Variants in ZNF710 observed in about 807,000 individuals in gnomAD.
ZNF710 encodes zinc finger protein 710.
Under a neutral mutation model 50.6 loss-of-function variants are expected in ZNF710, and 13 were observed. That is an observed-to-expected ratio of 0.26 (90% CI 0.17 to 0.41). ZNF710 has a LOEUF of 0.41. Among genes scored for constraint, ZNF710 ranks in the 10% least tolerant of loss-of-function variants. The pLI is 1.00. For missense variants in ZNF710, 721 were observed against 936.6 expected (o/e 0.77, Z 3.01); for synonymous variants, 383 against 397.0 (o/e 0.96, Z 0.42).
In ZNF710 at chr15:90,071,765, G is replaced by A. The variant is rs138250609; in HGVS notation, c.1459-1306G>A. Among the ~76,000 whole-genome samples, 576 of 146,116 alleles carry A rather than the reference G, an allele frequency of 3.9e-3. 4 individuals carry two copies. Among genetic ancestry groups the A allele is most frequent in the African/African-American group, 0.014 (537 of 38,950 alleles). ...GTGATCTCAGCTCACTGCAACCTCC[G>A]CCTCCTGGGTTTAAGCAATTCTACT... is the stretch of plus-strand genomic sequence containing the variant. On this transcript the variant is annotated intron_variant, in intron 2 of 4. Transcript: ENST00000268154.
chr15:90,000,674 C>T (rs114741450), upstream of ZNF710, among the ~76,000 whole-genome samples: 885 of 152,330 alleles, frequency 5.8e-3, 15 homozygotes, highest in African/African-American at 0.02. Context: ...TTGTTCCAGG[C>T]CCATCTGCCT....
At chr15:90,053,975 G>T (rs2151510670) in intron 1 of ZNF710, among the ~76,000 whole-genome samples, 1 of 152,224 alleles carries the variant, frequency 6.6e-6, no homozygotes, top group African/African-American at 2.4e-5. Context: ...GAGAAGGCCG[G>T]GACTGATCTG....
At chr15:90,013,084 T>G (rs549709796) in intron 1 of ZNF710, among the ~76,000 whole-genome samples, 12 of 152,124 alleles carry the variant, frequency 7.9e-5, no homozygotes, top group Non-Finnish European at 1.6e-4. Context: ...GATTTTTGCT[T>G]TTTGTTTGTT....
intron 1 of ZNF710, among the ~76,000 whole-genome samples, chr15:90,021,040 C>G (rs1898606076): frequency 6.6e-6 from 1 of 150,478 alleles, no homozygotes; most frequent in African/African-American, 2.5e-5. Context: ...TGGGGGACGT[C>G]AGCTCCAAGG....
intron 1 of ZNF710, among the ~76,000 whole-genome samples, chr15:90,052,843 G>A (rs1260824655): frequency 3.3e-5 from 5 of 152,214 alleles, no homozygotes; most frequent in African/African-American, 1.2e-4. Context: ...TGAGGCAGGG[G>A]AATCGCTTGA....
At chr15:90,014,196 G>T (rs1898388934) in intron 1 of ZNF710, among the ~76,000 whole-genome samples, 1 of 151,954 alleles carries the variant, frequency 6.6e-6, no homozygotes, top group Non-Finnish European at 1.5e-5. Flanking sequence ...GTCTCTACTT[G>T]TTCTAAGACA....
intron 1 of ZNF710, among the ~76,000 whole-genome samples, chr15:90,053,891 G>T (rs1272622005): frequency 1.3e-5 from 2 of 152,068 alleles, no homozygotes; most frequent in African/African-American, 4.8e-5. Flanking sequence ...TGGCAGGCAG[G>T]GGTCCGTTCT....
chr15:90,021,600 G>A (rs753610713), intron 1 of ZNF710, among the ~76,000 whole-genome samples: 2 of 152,172 alleles, frequency 1.3e-5, no homozygotes, highest in Non-Finnish European at 2.9e-5. Flanking sequence ...CCTACCATGT[G>A]TTAAACTCTG....
intron 4 of ZNF710, chr15:90,075,045 C>A (rs922051254): frequency 1.2e-5 from 2 of 162,794 alleles, no homozygotes; most frequent in African/African-American, 4.8e-5. Context: ...CAGAAAACAT[C>A]CCAAGTGTTA....
At chr15:90,057,576 A>C (rs1899860606) in intron 1 of ZNF710, among the ~76,000 whole-genome samples, 1 of 151,992 alleles carries the variant, frequency 6.6e-6, no homozygotes, top group Admixed American at 6.6e-5. Context: ...GCGCTCCTGT[A>C]GTCCCAGCTA....
rs146705950 is a variant in ZNF710 at position 90,030,740 on chromosome 15, G to T, written c.-29+29126G>T. On this transcript the variant is annotated intron_variant, in intron 1 of 4. Coordinates refer to ENST00000268154, the MANE Select transcript of ZNF710 (RefSeq NM_198526.4). Reference sequence around the variant, plus strand: ...AAATTAAAAAAAAAAAAATTGGCTGGGCGCGGTGGCTCACGCCTGTAATCC... The same window carrying T: ...AAATTAAAAAAAAAAAAATTGGCTGTGCGCGGTGGCTCACGCCTGTAATCC... Among the ~76,000 whole-genome samples, 127 of 152,128 alleles carry T rather than the reference G, an allele frequency of 8.3e-4. 2 individuals are homozygous for T. The East Asian group carries it at 0.023, about 28-fold the overall frequency.
intron 4 of ZNF710, chr15:90,075,517 A>G (rs1320816255): frequency 1.3e-5 from 2 of 152,160 alleles, no homozygotes; most frequent in South Asian, 2.1e-4. Flanking sequence ...GCAAGACCCT[A>G]TCGCCAAATT....
At position 90,001,331 on chromosome 15, in the gene ZNF710, G is replaced by T. The variant is rs1596257334; in HGVS notation, c.-312G>T. The T allele has an allele frequency of 6.6e-6, 1 of 152,224 alleles. No homozygotes were observed. Among genetic ancestry groups the T allele is most frequent in the East Asian group, 1.9e-4 (1 of 5,192 alleles). 9.4% of individuals were successfully genotyped at this position (152,224 alleles called of 1,614,324 possible). On this transcript the variant is annotated 5_prime_UTR_variant, in exon 1 of 5. Transcript: ENST00000268154. ...CTTTTCTGTCTCTCTCTTCCTCTGC[G>T]AGCTGGCTTAGGAGGAGCTGTTTTG...
chr15:90,006,700 TTA>T (rs1342883259), intron 1 of ZNF710: 1 of 154,252 alleles, frequency 6.5e-6, no homozygotes, highest in Non-Finnish European at 1.5e-5. Flanking sequence ...GTACAGTTCA[TTA>T]ACCTTGATGT....
chr15:90,052,801 C>T (rs1037792150), intron 1 of ZNF710, among the ~76,000 whole-genome samples: 8 of 152,156 alleles, frequency 5.3e-5, no homozygotes, highest in Admixed American at 1.3e-4. Context: ...GGCGTGTTGG[C>T]GCATGCCTGT....
At chr15:90,017,779 C>T (rs1898495250) in intron 1 of ZNF710, among the ~76,000 whole-genome samples, 2 of 151,896 alleles carry the variant, frequency 1.3e-5, no homozygotes, top group African/African-American at 4.8e-5. Flanking sequence ...ATGGGAAGCA[C>T]CCAGGAAACG....
chr15:90,053,242 C>T (rs1391196809), intron 1 of ZNF710, among the ~76,000 whole-genome samples: 4 of 152,186 alleles, frequency 2.6e-5, no homozygotes, highest in Non-Finnish European at 4.4e-5. Context: ...CTGGGTGCCT[C>T]AGCCTGGGGC....
chr15:90,067,255 G>T lies in ZNF710; in HGVS notation c.118G>T (p.Ala40Ser), dbSNP rs766187525. 1.2e-6 allele frequency: 2 copies of T among 1,613,048 alleles called. No homozygotes were observed. Among genetic ancestry groups the T allele is most frequent in the East Asian group, 2.2e-5 (1 of 44,864 alleles). ...TGAGCTCTTTGGAGCTACCATAAGCGCCGAGGCCTTCTACCCGGACCTGGG... is the reference window on the plus strand; with the variant it reads ...TGAGCTCTTTGGAGCTACCATAAGCTCCGAGGCCTTCTACCCGGACCTGGG... The part of the protein sequence containing the change: ...ENELFGATIS[A>S]EAFYPDLGPE... The change falls in exon 2 of 5, where the codon GCC (alanine) becomes TCC (serine). Residue 40 changes from alanine to serine, a missense_variant. Physicochemically the swap from Ala to Ser is moderately conservative, Grantham distance 99. Around this residue, in one of 3 missense-constraint regions of ZNF710, gnomAD observed 326 missense variants for 347.1 expected, o/e 0.94. Coordinates refer to ENST00000268154, the MANE Select transcript of ZNF710 (RefSeq NM_198526.4). This position sits in a 1 kb window ranked among gnomAD's most constrained non-coding sequence, Gnocchi z 8.1.
chr15:90,078,346 C>T (rs1385870801), intron 4 of ZNF710, among the ~76,000 whole-genome samples: 1 of 152,190 alleles, frequency 6.6e-6, no homozygotes, highest in Non-Finnish European at 1.5e-5. Flanking sequence ...CGAATATCCT[C>T]ATGGTCACAA....
Sources: allele counts gnomAD v4.1 joint callset (sites outside exome capture counted in the v4.1 genomes callset), GRCh38; gene constraint gnomAD v4.1.1; regional missense constraint gnomAD v4.1.1; non-coding constraint Gnocchi (gnomAD v3.1); transcripts MANE v1.5; gene names NCBI Gene and HGNC (gene_info 2026-07-23, HGNC 2026-07-21).